Variants in SP3 observed in about 807,000 individuals in gnomAD.
The protein encoded by SP3 is Sp3 transcription factor, also known as transcription factor Sp3.
SP3 carries 10 observed loss-of-function variants against 70.3 expected under a neutral mutation model. That is an observed-to-expected ratio of 0.14 (90% CI 0.09 to 0.24). The LOEUF is 0.24. SP3 is among the 10% of genes least tolerant of loss of function. SP3 has a pLI of 1.00. For missense variants in SP3, 825 were observed against 914.6 expected (o/e 0.90, Z 1.26); for synonymous variants, 402 against 333.5 (o/e 1.21, Z -2.24).
chr2:173,901,036 T>C lies in SP3; in HGVS notation c.*8905A>G, dbSNP rs966502483. On this transcript the variant is annotated 3_prime_UTR_variant, in exon 7 of 7. Transcript: ENST00000310015. ...GAAGGGTGGGCAGAGGAGACTTCCT[T>C]ACCGGATGTCAAGAATTTAGGATAA... 6.6e-6 allele frequency among the ~76,000 whole-genome samples: 1 copy of C among 152,202 alleles called. No individual in the cohort carries two copies. Among genetic ancestry groups the C allele is most frequent in the South Asian group, 2.1e-4 (1 of 4,830 alleles).
At position 173,901,070 on chromosome 2, in the gene SP3, G is replaced by C. The variant is rs560943931; in HGVS notation, c.*8871C>G. On this transcript the variant is annotated 3_prime_UTR_variant, in exon 7 of 7. Coordinates refer to ENST00000310015, the MANE Select transcript of SP3 (RefSeq NM_003111.5). ...TCAAGAATTTAGGATAAATAACAGA[G>C]AGGGCATTATAATCAGCAGGGAAAC... 4.1e-4 allele frequency among the ~76,000 whole-genome samples: 63 copies of C among 152,288 alleles called. No homozygotes were observed. Among genetic ancestry groups the C allele is most frequent in the African/African-American group, 1.4e-3 (58 of 41,564 alleles).
chr2:173,919,581 A>C (rs1279999438), intron 4 of SP3, among the ~76,000 whole-genome samples: 2 of 152,194 alleles, frequency 1.3e-5, no homozygotes, highest in African/African-American at 4.8e-5. Flanking sequence ...TAATCCATCA[A>C]AATGACCCAT....
rs1269196970 is a variant in SP3 at position 173,903,163 on chromosome 2, G to T, written c.*6778C>A. Among the ~76,000 whole-genome samples, 1 of 152,216 alleles carries T rather than the reference G, an allele frequency of 6.6e-6. No individual in the cohort carries two copies. The highest frequency in any genetic ancestry group is 1.5e-5 in the Non-Finnish European group (1 of 68,024). ...TAGTTGAAGACAACTATTTTCAAGT[G>T]TAGGAAGACTACTGATTCTTCCAGT... is the stretch of plus-strand genomic sequence containing the variant. On this transcript the variant is annotated 3_prime_UTR_variant, in exon 7 of 7. Coordinates refer to ENST00000310015, the MANE Select transcript of SP3 (RefSeq NM_003111.5).
At chr2:173,962,395 T>C (rs1483329787) in intron 3 of SP3, among the ~76,000 whole-genome samples, 1 of 152,234 alleles carries the variant, frequency 6.6e-6, no homozygotes, top group Non-Finnish European at 1.5e-5. Flanking sequence ...TCAATTTGTT[T>C]TGGCACTTTG....
chr2:173,929,745 G>C (rs1690019855), intron 4 of SP3, among the ~76,000 whole-genome samples: 1 of 152,198 alleles, frequency 6.6e-6, no homozygotes. Context: ...AACGCTACAA[G>C]TGAAGTGAGC....
At chr2:173,963,924 G>C in intron 2 of SP3, 41 bp from the exon 3 acceptor site, 1 of 1,376,724 alleles carries the variant, frequency 7.3e-7, no homozygotes, top group Non-Finnish European at 9.6e-7. Context: ...GACAGGGGGA[G>C]GGGGTGGCGG....
chr2:173,935,874 A>G (rs1690195078), intron 4 of SP3, among the ~76,000 whole-genome samples: 1 of 141,838 alleles, frequency 7.1e-6, no homozygotes, highest in African/African-American at 3.2e-5. Context: ...CATCTCTTGT[A>G]TTCCTGATAG....
chr2:173,965,153 G>A lies in SP3; in HGVS notation c.7+12C>T, dbSNP rs560244310. On this transcript the variant is annotated intron_variant, in intron 1 of 6. Coordinates refer to ENST00000310015, the MANE Select transcript of SP3 (RefSeq NM_003111.5). ...CGGCAGCAGCAAGGGTTGCTCTCTC[G>A]GCTTTACGTACCGGTCATAGTGTGT... 1.3e-5 allele frequency: 20 copies of A among 1,546,936 alleles called. No homozygotes were observed. In the Admixed American group the frequency reaches 2.0e-4, roughly 15 times the overall value.
chr2:173,916,368 T>C (rs1689618860), intron 5 of SP3: 1 of 152,046 alleles, frequency 6.6e-6, no homozygotes, highest in Non-Finnish European at 1.5e-5. Context: ...CTTAAAATGT[T>C]TGCAAGGTGT....
Position 173,955,386 on chromosome 2 carries a change from G to A in SP3, c.1126C>T (p.Pro376Ser), listed in dbSNP as rs2105498839. Reference protein sequence around the residue: ...SDLQGNYIQSPVSEETQAQNI... With the variant: ...SDLQGNYIQSSVSEETQAQNI... ...TGTGCCTGTGTCTCTTCAGAAACAG[G>A]CGACTGGATATAATTTCCCTGAAGA... The change falls in exon 4 of 7, where the codon CCT becomes TCT. Residue 376 changes from proline to serine, a missense_variant. Around this residue, in one of 4 missense-constraint regions of SP3, gnomAD observed 678 missense variants for 651.6 expected, o/e 1.04. Coordinates refer to ENST00000310015, the MANE Select transcript of SP3 (RefSeq NM_003111.5). The A allele has an allele frequency of 6.2e-7, 1 of 1,613,980 alleles. No homozygotes were observed. Among genetic ancestry groups the A allele is most frequent in the Non-Finnish European group, 8.5e-7 (1 of 1,179,996 alleles).
chr2:173,908,089 A>G lies in SP3; in HGVS notation c.*1852T>C, dbSNP rs1347267743. ...TACTCTTTCCTCCTACTCTGCCTTT[A>G]TAATGATGAAACACATGCAAATTCA... On this transcript the variant is annotated 3_prime_UTR_variant, in exon 7 of 7. Coordinates refer to ENST00000310015, the MANE Select transcript of SP3 (RefSeq NM_003111.5). 6.6e-6 allele frequency: 1 copy of G among 151,930 alleles called. No homozygotes were observed. The highest frequency in any genetic ancestry group is 1.5e-5 in the Non-Finnish European group (1 of 67,950). The allele number at this position is 151,930 out of a possible 1,614,324, so 9.4% of individuals were successfully genotyped here. A position where few individuals can be genotyped will look rare whatever the true frequency, so the allele number is the denominator to read the frequency against.
At position 173,965,204 on chromosome 2, in the gene SP3, C is replaced by A; in HGVS notation, c.-33G>T. 1 of 1,546,988 alleles carries A rather than the reference C, an allele frequency of 6.5e-7. No homozygotes were observed. The highest frequency in any genetic ancestry group is 8.7e-7 in the Non-Finnish European group (1 of 1,145,340). On this transcript the variant is annotated 5_prime_UTR_variant, in exon 1 of 7. Coordinates refer to ENST00000310015, the MANE Select transcript of SP3 (RefSeq NM_003111.5). ...TTAGGGCACCTCAGGCGGGGCTCCC[C>A]GCCGCCTTACACATGGTGAGGAGCG...
At chr2:173,912,920 T>G in intron 6 of SP3, 150 bp downstream of exon 6, 1 of 491,640 alleles carries the variant, frequency 2.0e-6, no homozygotes, top group Non-Finnish European at 3.4e-6. Flanking sequence ...TTTGTGTTAT[T>G]AAGATGGTGT....
chr2:173,926,355 C>T (rs1310954155), intron 4 of SP3, among the ~76,000 whole-genome samples: 4 of 152,134 alleles, frequency 2.6e-5, no homozygotes, highest in South Asian at 2.1e-4. Context: ...ATCTTATTCT[C>T]GGTTTTCATG....
chr2:173,902,930 AT>A lies in SP3; in HGVS notation c.*7010del, dbSNP rs1200852093. Among the ~76,000 whole-genome samples the A allele has an allele frequency of 3.9e-5, 6 of 152,248 alleles. No homozygotes were observed. Among genetic ancestry groups the A allele is most frequent in the African/African-American group, 1.4e-4 (6 of 41,474 alleles). On this transcript the variant is annotated 3_prime_UTR_variant, in exon 7 of 7. Coordinates refer to ENST00000310015, the MANE Select transcript of SP3 (RefSeq NM_003111.5). The stretch of plus-strand genomic sequence containing the variant: ...TGATCATTCCTTTCTAAAAGAAAAA[AT>A]ATATAGGTAAAAATAAGACTATAAA...
At position 173,904,966 on chromosome 2, in the gene SP3, C is replaced by T. The variant is rs907549494; in HGVS notation, c.*4975G>A. Among the ~76,000 whole-genome samples the T allele has an allele frequency of 1.3e-5, 2 of 152,134 alleles. No homozygotes were observed. Among genetic ancestry groups the T allele is most frequent in the African/African-American group, 2.4e-5 (1 of 41,426 alleles). On this transcript the variant is annotated 3_prime_UTR_variant, in exon 7 of 7. Transcript: ENST00000310015. ...AGTCGCAATGAACCTGAAGATTCTT[C>T]GGCTGGTTTTTAGAAATGTTCAAAT... is the stretch of plus-strand genomic sequence containing the variant.
chr2:173,928,605 G>A (rs1179776884), intron 4 of SP3, among the ~76,000 whole-genome samples: 1 of 151,058 alleles, frequency 6.6e-6, no homozygotes, highest in Non-Finnish European at 1.5e-5. Flanking sequence ...ATAAATAGAA[G>A]AAAAAATGCT....
chr2:173,929,417 A>ATTC, intron 4 of SP3, among the ~76,000 whole-genome samples: 2 of 152,202 alleles, frequency 1.3e-5, no homozygotes, highest in Non-Finnish European at 2.9e-5. Context: ...CTGATGGGGA[A>ATTC]ATCACCTCTA....
Position 173,918,617 on chromosome 2 carries a change from G to A in SP3, c.1808C>T (p.Pro603Leu). 6.2e-7 allele frequency: 1 copy of A among 1,613,324 alleles called. No homozygotes were observed. Among genetic ancestry groups the A allele is most frequent in the Non-Finnish European group, 8.5e-7 (1 of 1,179,542 alleles). Reference sequence around the variant, plus strand: ...CCTTCCACCACCTTCTTTACAGTTGGGACAGGTGCAAGCTACCCTCCGAAG... The same window carrying A: ...CCTTCCACCACCTTCTTTACAGTTGAGACAGGTGCAAGCTACCCTCCGAAG... ...KRLRRVACTCPNCKEGGGRGT... is the reference protein window; with the variant it reads ...KRLRRVACTCLNCKEGGGRGT... The change falls in exon 5 of 7, where the codon CCC (proline) becomes CTC (leucine). Residue 603 changes from proline to leucine, a missense_variant. Coordinates refer to ENST00000310015, the MANE Select transcript of SP3 (RefSeq NM_003111.5).
Sources: gnomAD v4.1 joint callset for allele counts (sites outside exome capture counted in the v4.1 genomes callset) on GRCh38, gnomAD v4.1.1 for gene constraint, gnomAD v4.1.1 regional missense constraint, MANE v1.5 for transcripts, NCBI Gene and HGNC (gene_info 2026-07-23, HGNC 2026-07-21) for gene names.